SEM1: variants seen among roughly 807,000 people sequenced by gnomAD.
The protein encoded by SEM1 is SEM1 26S proteasome subunit.
In SEM1, 3 loss-of-function variants were observed where a neutral mutation model predicts 12.7. That is an observed-to-expected ratio of 0.24 (90% CI 0.11 to 0.61). The LOEUF is 0.61. Among genes scored for constraint, SEM1 ranks in the 20% least tolerant of loss-of-function variants. The pLI is 0.88. For synonymous variants in SEM1, 30 were observed against 27.8 expected (o/e 1.08, Z -0.25); for missense variants, 59 against 81.3 (o/e 0.73, Z 1.06).
At chr7:96,699,656 T>G (rs1040495137) in intron 1 of SEM1, among the ~76,000 whole-genome samples, 5 of 152,232 alleles carry the variant, frequency 3.3e-5, no homozygotes, top group Non-Finnish European at 2.9e-5. Flanking sequence ...ACGTTTCTTT[T>G]GAAAGCCCTG....
chr7:96,684,050 T>C (rs972258038), downstream of SEM1, among the ~76,000 whole-genome samples: 4 of 151,960 alleles, frequency 2.6e-5, no homozygotes, highest in African/African-American at 9.7e-5. Context: ...AATAAGGACG[T>C]TTGTAGGCTT....
downstream of SEM1, among the ~76,000 whole-genome samples, chr7:96,683,770 T>A (rs1231744987): frequency 6.6e-6 from 1 of 152,098 alleles, no homozygotes. Flanking sequence ...CTCAGCAAAC[T>A]AACACAAGAA....
upstream of SEM1, among the ~76,000 whole-genome samples, chr7:96,500,209 G>A (rs750680184): frequency 1.3e-5 from 2 of 151,714 alleles, no homozygotes; most frequent in Non-Finnish European, 2.9e-5. Flanking sequence ...CACACACCCA[G>A]GGCAGTCTTG....
chr7:96,495,997 G>C (rs903275986), intron 1 of SEM1, among the ~76,000 whole-genome samples: 2 of 152,026 alleles, frequency 1.3e-5, no homozygotes, highest in African/African-American at 4.8e-5. Flanking sequence ...ACAGCCGCAG[G>C]CCTCTCTGTT....
At chr7:96,537,885 A>G (rs1375187474) in intron 2 of SEM1, among the ~76,000 whole-genome samples, 4 of 151,702 alleles carry the variant, frequency 2.6e-5, no homozygotes, top group Admixed American at 2.6e-4. Context: ...CCTGTCCTCA[A>G]TTTCTTCTGC....
chr7:96,507,652 G>A (rs1803799933), intron 2 of SEM1, among the ~76,000 whole-genome samples: 1 of 152,062 alleles, frequency 6.6e-6, no homozygotes, highest in African/African-American at 2.4e-5. Context: ...TTTTAATTGT[G>A]GATTTACCTT....
At chr7:96,537,089 G>A (rs752329726) in intron 2 of SEM1, among the ~76,000 whole-genome samples, 4 of 151,522 alleles carry the variant, frequency 2.6e-5, no homozygotes, top group Non-Finnish European at 4.4e-5. Flanking sequence ...AATGTTAGTA[G>A]TTGCCCTAGA....
At chr7:96,533,045 C>T (rs1484407870) in intron 2 of SEM1, among the ~76,000 whole-genome samples, 12 of 152,100 alleles carry the variant, frequency 7.9e-5, no homozygotes, top group Non-Finnish European at 1.5e-5. Context: ...TTGCCTTTAA[C>T]TCACCACTTT....
chr7:96,636,822 G>A (rs1471335191), intron 2 of SEM1, among the ~76,000 whole-genome samples: 3 of 152,036 alleles, frequency 2.0e-5, no homozygotes, highest in African/African-American at 7.2e-5. Context: ...CATGGTGCCT[G>A]TTATTGCTGT....
chr7:96,486,144 G>C (rs1330519788), intron 2 of SEM1: 1 of 1,297,854 alleles, frequency 7.7e-7, no homozygotes, highest in Non-Finnish European at 1.1e-6. Context: ...CAAAGACTTA[G>C]AGAGTTAATT....
At chr7:96,670,070 A>G (rs916879826), downstream of SEM1, among the ~76,000 whole-genome samples, 35 of 152,220 alleles carry the variant, frequency 2.3e-4, no homozygotes, top group Non-Finnish European at 1.3e-4. Context: ...TTCAAGGTAT[A>G]TCATTGAAAC....
chr7:96,596,157 G>C lies in SEM1; in HGVS notation c.171-89459C>G, dbSNP rs190590208. Among the ~76,000 whole-genome samples the C allele has an allele frequency of 4.6e-5, 7 of 152,306 alleles. No homozygotes were observed. The East Asian group carries it at 1.4e-3, about 29-fold the overall frequency. On this transcript the variant is annotated intron_variant and NMD_transcript_variant, in intron 2 of 3. Coordinates refer to the SEM1 transcript ENST00000466986. ...TAGCAGATGAAGGATCAGATTGTTA[G>C]GGAACAACTTGCTTGTAAAACCCAA... is the stretch of plus-strand genomic sequence containing the variant.
intron 2 of SEM1, among the ~76,000 whole-genome samples, chr7:96,665,600 G>A (rs1048153287): frequency 1.3e-5 from 2 of 152,132 alleles, no homozygotes; most frequent in African/African-American, 2.4e-5. Flanking sequence ...CTGGACTGAG[G>A]AAGAAAATTA....
intron 2 of SEM1, among the ~76,000 whole-genome samples, chr7:96,654,059 G>A (rs76830524): frequency 0.012 from 1,859 of 152,294 alleles, 40 homozygotes; most frequent in African/African-American, 0.043. Context: ...TAAATGGTTT[G>A]CAGAGCAATG....
At chr7:96,709,561 G>A (rs1234981502) in intron 1 of SEM1, 127 bp downstream of exon 1, 2 of 830,334 alleles carry the variant, frequency 2.4e-6, no homozygotes, top group East Asian at 2.5e-5. Context: ...TTAGCGCCTC[G>A]AGTGCCGGCC....
At chr7:96,689,109 G>A in intron 2 of SEM1, 143 bp from the exon 3 acceptor site, 14 of 472,042 alleles carry the variant, frequency 3.0e-5, no homozygotes, top group South Asian at 2.1e-4. Context: ...TTTTGTCTCT[G>A]AAAAAAAAAC....
intron 2 of SEM1, among the ~76,000 whole-genome samples, chr7:96,591,580 A>T (rs1274101164): frequency 2.0e-5 from 3 of 152,334 alleles, no homozygotes; most frequent in African/African-American, 7.2e-5. Context: ...TATAAAACTG[A>T]TGATTTCATC....
intron 3 of SEM1, among the ~76,000 whole-genome samples, chr7:96,503,197 T>G (rs1398465688): frequency 6.6e-6 from 1 of 152,170 alleles, no homozygotes; most frequent in Non-Finnish European, 1.5e-5. Context: ...TAGTGAGTTG[T>G]TAAACTCTTT....
exon 3 of SEM1, chr7:96,673,796 T>C (rs772866949): frequency 2.6e-6 from 2 of 765,230 alleles, no homozygotes; most frequent in South Asian, 1.3e-5. Context: ...TTCTTCCCTT[T>C]TGGTGGAGAA....
Sources: gnomAD v4.1 joint callset for allele counts (sites outside exome capture counted in the v4.1 genomes callset) on GRCh38, gnomAD v4.1.1 for gene constraint, MANE v1.5 for transcripts, NCBI Gene and HGNC (gene_info 2026-07-23, HGNC 2026-07-21) for gene names.